The following GRM8 variants were observed in gnomAD, a reference collection of about 807,000 sequenced individuals.
The protein encoded by GRM8 is glutamate metabotropic receptor 8.
In GRM8, 47 loss-of-function variants were observed where a neutral mutation model predicts 87.2. That is an observed-to-expected ratio of 0.54 (90% CI 0.43 to 0.69). The LOEUF (loss-of-function observed/expected upper bound fraction) is 0.69, where lower values mean the gene tolerates loss of function less well. Ranked by LOEUF, GRM8 falls within the 30% of genes least tolerant of loss-of-function variation. The pLI is 0.00. For missense variants in GRM8, 1,019 were observed against 1,139.2 expected (o/e 0.89, Z 1.52); for synonymous variants, 396 against 404.5 (o/e 0.98, Z 0.25).
chr7:126,515,612 G>A (rs1812054548), intron 9 of GRM8, among the ~76,000 whole-genome samples: 1 of 152,016 alleles, frequency 6.6e-6, no homozygotes, highest in African/African-American at 2.4e-5. Flanking sequence ...GCTTTTGGAG[G>A]CCTTAGAGCG....
At chr7:127,240,008 C>A (rs982807845) in intron 2 of GRM8, among the ~76,000 whole-genome samples, 4 of 152,138 alleles carry the variant, frequency 2.6e-5, no homozygotes, top group African/African-American at 9.7e-5. Context: ...ACAGCACCCC[C>A]TCCTGGCGAT....
chr7:126,994,435 T>C lies in GRM8; in HGVS notation c.728-89752A>G, dbSNP rs1582255. Among the ~76,000 whole-genome samples the C allele has an allele frequency of 2.6e-5, 4 of 152,058 alleles. No individual in the cohort carries two copies. In the East Asian group the frequency reaches 7.8e-4, roughly 30 times the overall value. ...GTAGCGCAGAGCACCAAGTGGGCTC[T>C]TAGGGATCCCTGAATCCAGGAATAG... On this transcript the variant is annotated intron_variant, in intron 3 of 10. Coordinates refer to ENST00000339582, the MANE Select transcript of GRM8 (RefSeq NM_000845.3).
intron 3 of GRM8, among the ~76,000 whole-genome samples, chr7:126,917,168 G>A (rs1309681985): frequency 6.6e-6 from 1 of 151,922 alleles, no homozygotes; most frequent in Non-Finnish European, 1.5e-5. Context: ...TGGAGATAGG[G>A]GTCTTGCTAT....
At chr7:126,923,223 T>C (rs947276403) in intron 3 of GRM8, among the ~76,000 whole-genome samples, 6 of 152,188 alleles carry the variant, frequency 3.9e-5, no homozygotes, top group Admixed American at 6.5e-5. Context: ...GCATAATAGG[T>C]GCTTGTTTAA....
intron 9 of GRM8, among the ~76,000 whole-genome samples, chr7:126,463,532 C>A (rs1013342385): frequency 3.3e-5 from 5 of 151,668 alleles, no homozygotes; most frequent in Non-Finnish European, 5.9e-5. Flanking sequence ...TAATCCCAAG[C>A]CATTAAATTT....
At chr7:126,919,289 T>C (rs1438934349) in intron 3 of GRM8, among the ~76,000 whole-genome samples, 2 of 152,148 alleles carry the variant, frequency 1.3e-5, no homozygotes, top group East Asian at 1.9e-4. Flanking sequence ...CAAGATGCCT[T>C]TGAATTTCAA....
chr7:126,921,516 G>A (rs1804532244), intron 3 of GRM8, among the ~76,000 whole-genome samples: 1 of 151,932 alleles, frequency 6.6e-6, no homozygotes, highest in African/African-American at 2.4e-5. Flanking sequence ...AGAAAGGAAG[G>A]GGAAGGAAGA....
At position 126,533,067 on chromosome 7, in the gene GRM8, C is replaced by T; in HGVS notation, c.2315G>A (p.Gly772Asp). 1 of 1,613,334 alleles carries T rather than the reference C, an allele frequency of 6.2e-7. No individual in the cohort carries two copies. The change falls in exon 9 of 11, where the codon GGT becomes GAT. Residue 772 changes from glycine (G) to aspartate (D), a missense_variant. By Grantham distance (94) the Gly-to-Asp change is moderately conservative. Coordinates refer to ENST00000339582, the MANE Select transcript of GRM8 (RefSeq NM_000845.3). ...TCTVYAIKTR[G>D]VPETFNEAKP... ...GGCTTCATTGAAAGTCTCTGGGACA[C>T]CTCTCGTTTTAATGGCATAAACAGT...
chr7:127,110,008 C>T (rs1041039191), intron 2 of GRM8, among the ~76,000 whole-genome samples: 1 of 152,036 alleles, frequency 6.6e-6, no homozygotes, highest in East Asian at 1.9e-4. Context: ...GGGCGAGGGG[C>T]GACAGAAAGA....
chr7:127,237,501 A>G (rs1798044906), intron 2 of GRM8, among the ~76,000 whole-genome samples: 1 of 152,246 alleles, frequency 6.6e-6, no homozygotes, highest in Non-Finnish European at 1.5e-5. Flanking sequence ...AAGAAAATAT[A>G]TCTTCATAAA....
chr7:126,924,203 G>A (rs1302930810), intron 3 of GRM8, among the ~76,000 whole-genome samples: 4 of 152,202 alleles, frequency 2.6e-5, no homozygotes, highest in Non-Finnish European at 5.9e-5. Context: ...CAAGGGGACT[G>A]TATCCCAACT....
At chr7:126,552,154 C>G (rs1445769417) in intron 8 of GRM8, among the ~76,000 whole-genome samples, 1 of 152,046 alleles carries the variant, frequency 6.6e-6, no homozygotes, top group Non-Finnish European at 1.5e-5. Flanking sequence ...TAATTTGTCC[C>G]CGATCACTTG....
Position 127,125,429 on chromosome 7 carries a change from T to C in GRM8, c.511-18717A>G, listed in dbSNP as rs1827306394. Among the ~76,000 whole-genome samples, 3 of 151,912 alleles carry C rather than the reference T, an allele frequency of 2.0e-5. No homozygotes were observed. In the South Asian group the frequency reaches 6.2e-4, roughly 31 times the overall value. ...AAAAAGACACTTGATTCTCATACCATGCATAAAAATTAGTCAAAGTGGACA... is the reference window on the plus strand; with the variant it reads ...AAAAAGACACTTGATTCTCATACCACGCATAAAAATTAGTCAAAGTGGACA... On this transcript the variant is annotated intron_variant, in intron 2 of 10. Transcript: ENST00000339582.
intron 7 of GRM8, among the ~76,000 whole-genome samples, chr7:126,642,781 C>T (rs1802545871): frequency 6.6e-6 from 1 of 151,982 alleles, no homozygotes; most frequent in South Asian, 2.1e-4. Context: ...TGGTCAAAAA[C>T]ACACTTGCTG....
chr7:126,470,047 CTTA>C (rs1259755139), intron 9 of GRM8, among the ~76,000 whole-genome samples: 2 of 152,030 alleles, frequency 1.3e-5, no homozygotes, highest in African/African-American at 4.8e-5. Flanking sequence ...AAATAAGAAA[CTTA>C]TTATGAACTG....
intron 6 of GRM8, among the ~76,000 whole-genome samples, chr7:126,900,661 C>CA (rs1801989185): frequency 1.7e-5 from 1 of 58,068 alleles, no homozygotes; most frequent in Admixed American, 1.4e-4. Context: ...AGGCGCCCGC[C>CA]ACACGCCGGG....
chr7:126,574,906 ACT>A (rs1318307297), intron 8 of GRM8, among the ~76,000 whole-genome samples: 1 of 151,858 alleles, frequency 6.6e-6, no homozygotes, highest in Non-Finnish European at 1.5e-5. Flanking sequence ...ATGAATACTG[ACT>A]CTATTAGGCA....
At chr7:127,245,337 T>C (rs937273156) in intron 1 of GRM8, among the ~76,000 whole-genome samples, 2 of 152,212 alleles carry the variant, frequency 1.3e-5, no homozygotes, top group African/African-American at 4.8e-5. Context: ...GAGTACAGAC[T>C]AAATGAATAA....
intron 3 of GRM8, chr7:127,105,197 G>C (rs1825695088): frequency 6.6e-6 from 1 of 152,094 alleles, no homozygotes; most frequent in South Asian, 2.1e-4. Flanking sequence ...AATATAATTT[G>C]TCATAATTTA....
Sources: gnomAD v4.1 joint callset for allele counts (sites outside exome capture counted in the v4.1 genomes callset) on GRCh38, gnomAD v4.1.1 for gene constraint, MANE v1.5 for transcripts, NCBI Gene and HGNC (gene_info 2026-07-23, HGNC 2026-07-21) for gene names.